Variants in RARS2 observed in about 807,000 individuals in gnomAD.
RARS2 encodes the protein arginyl-tRNA synthetase 2, mitochondrial, also known as probable arginine--tRNA ligase, mitochondrial.
RARS2 carries 67 observed loss-of-function variants against 88.5 expected under a neutral mutation model. The observed-to-expected ratio is 0.76, with a 90% CI of 0.62 to 0.93. The LOEUF (loss-of-function observed/expected upper bound fraction) is 0.93. Ranked by LOEUF, RARS2 falls within the 40% of genes least tolerant of loss-of-function variation. RARS2 has a pLI of 0.00. For missense variants in RARS2, 664 were observed against 684.2 expected (o/e 0.97, Z 0.33); for synonymous variants, 239 against 230.3 (o/e 1.04, Z -0.34).
chr6:87,563,993 G>A (rs1433647561), intron 3 of RARS2, 137 bp downstream of exon 3: 2 of 717,652 alleles, frequency 2.8e-6, no homozygotes, highest in African/African-American at 3.6e-5. Flanking sequence ...TGGCTAAAAT[G>A]AATTTAAATT....
intron 8 of RARS2, among the ~76,000 whole-genome samples, chr6:87,539,131 A>T (rs1780119269): frequency 6.6e-6 from 1 of 152,218 alleles, no homozygotes; most frequent in African/African-American, 2.4e-5. Context: ...AAGATTAAAT[A>T]AAAACTTTTG....
At chr6:87,555,776 C>T (rs1364505151) in intron 4 of RARS2, among the ~76,000 whole-genome samples, 1 of 152,122 alleles carries the variant, frequency 6.6e-6, no homozygotes, top group Admixed American at 6.6e-5. Flanking sequence ...AGGTATTTTA[C>T]AGAGAAGGAA....
chr6:87,573,892 T>C (rs955569548), intron 1 of RARS2, among the ~76,000 whole-genome samples: 4 of 152,144 alleles, frequency 2.6e-5, no homozygotes, highest in Non-Finnish European at 5.9e-5. Context: ...TCAAAGTTGA[T>C]AGTCAAGTAA....
At chr6:87,527,294 T>A (rs1776069615) in intron 10 of RARS2, among the ~76,000 whole-genome samples, 1 of 152,066 alleles carries the variant, frequency 6.6e-6, no homozygotes, top group African/African-American at 2.4e-5. Flanking sequence ...GGTGATACAG[T>A]GAGACCCCGT....
chr6:87,558,785 CTGATT>C (rs1428825097), intron 4 of RARS2, among the ~76,000 whole-genome samples: 3 of 152,166 alleles, frequency 2.0e-5, no homozygotes, highest in Admixed American at 6.5e-5. Flanking sequence ...AAGGACTGTA[CTGATT>C]TATGTATTTA....
intron 1 of RARS2, among the ~76,000 whole-genome samples, chr6:87,589,479 C>A (rs916794310): frequency 6.6e-6 from 1 of 152,142 alleles, no homozygotes; most frequent in African/African-American, 2.4e-5. Flanking sequence ...TTGGGCGTTA[C>A]CAAAAACAAT....
At chr6:87,529,439 A>G in intron 10 of RARS2, 103 bp downstream of exon 10, 1 of 814,672 alleles carries the variant, frequency 1.2e-6, no homozygotes, top group Non-Finnish European at 2.1e-6. Context: ...AAAAAATCCC[A>G]AGAAAGCTGC....
chr6:87,518,156 G>T lies in RARS2; in HGVS notation c.1511+13C>A, dbSNP rs754449606. The T allele has an allele frequency of 6.2e-7, 1 of 1,614,082 alleles. No individual in the cohort carries two copies. The highest frequency in any genetic ancestry group is 1.1e-5 in the South Asian group (1 of 91,080). ...GCAGAAGCACACTTGATGATCCCTG[G>T]AAAACATCATACCTGAGAAGATGCT... On this transcript the variant is annotated intron_variant, in intron 17 of 19. Transcript: ENST00000369536.
chr6:87,515,044 C>T (rs202115632), intron 18 of RARS2, 24 bp from the exon 19 acceptor site: 25 of 1,575,292 alleles, frequency 1.6e-5, no homozygotes, highest in Admixed American at 8.3e-5. Context: ...AGAGAAATCA[C>T]GATAGTACCA....
rs773925862 is a variant in RARS2, at chr6:87,555,518, G to A, written c.298-13C>T. ...GTTGTAGCACTGTCTGAAAATTAAA[G>A]GACTGTAATTTAATGAACAAAAATT... On this transcript the variant is annotated splice_polypyrimidine_tract_variant and intron_variant, in intron 4 of 19. Coordinates refer to ENST00000369536, the MANE Select transcript of RARS2 (RefSeq NM_020320.5). 2 of 1,584,348 alleles carry A rather than the reference G, an allele frequency of 1.3e-6. No homozygotes were observed.
At chr6:87,576,957 T>C (rs907870288) in intron 1 of RARS2, among the ~76,000 whole-genome samples, 10 of 152,226 alleles carry the variant, frequency 6.6e-5, no homozygotes, top group African/African-American at 1.9e-4. Flanking sequence ...TTAACGGTGA[T>C]ATTATATAGG....
chr6:87,529,770 C>G, intron 9 of RARS2, 122 bp from the exon 10 acceptor site: 1 of 724,290 alleles, frequency 1.4e-6, no homozygotes, highest in Non-Finnish European at 2.5e-6. Flanking sequence ...AAAATTAAAT[C>G]AAGGGCTGAG....
At chr6:87,584,733 T>C (rs1216720244) in intron 1 of RARS2, 1 of 461,268 alleles carries the variant, frequency 2.2e-6, no homozygotes, top group Non-Finnish European at 4.4e-6. Flanking sequence ...AAACATTTAA[T>C]ATGGATTTAT....
chr6:87,514,354 G>C lies in RARS2; in HGVS notation c.*59C>G, dbSNP rs956015845. On this transcript the variant is annotated 3_prime_UTR_variant, in exon 20 of 20. Transcript: ENST00000369536. The stretch of plus-strand genomic sequence containing the variant: ...ATTTAAATTTATTCTGAACAGCAAG[G>C]CATCTCAGAATAGATAACTAGAATT... 4.2e-5 allele frequency: 48 copies of C among 1,150,500 alleles called. No homozygotes were observed. The highest frequency in any genetic ancestry group is 4.2e-4 in the Middle Eastern group (2 of 4,802). The allele number at this position is 1,150,500 out of a possible 1,614,324, so 71.3% of individuals were successfully genotyped here.
chr6:87,575,244 C>CAA, intron 1 of RARS2, among the ~76,000 whole-genome samples: 1 of 143,660 alleles, frequency 7.0e-6, no homozygotes, highest in South Asian at 2.1e-4. Context: ...CACACACACA[C>CAA]ACACACACAC....
At chr6:87,542,163 C>T (rs1303686086) in intron 7 of RARS2, among the ~76,000 whole-genome samples, 169 bp from the exon 8 acceptor site, 1 of 152,172 alleles carries the variant, frequency 6.6e-6, no homozygotes, top group East Asian at 1.9e-4. Flanking sequence ...TGACACAAGT[C>T]AAATTCAATA....
In RARS2 at chr6:87,519,581, A is replaced by G; in HGVS notation, c.1237+2T>C. 1 of 1,611,470 alleles carries G rather than the reference A, an allele frequency of 6.2e-7. No homozygotes were observed. Among genetic ancestry groups the G allele is most frequent in the Non-Finnish European group, 8.5e-7 (1 of 1,177,630 alleles). ...ACTTTAATAAGAAAAAACTGAATTC[A>G]CTCTTAATTGAAGCCATGTTCTGTA... On this transcript the variant is annotated splice_donor_variant, in intron 14 of 19. Transcript: ENST00000369536. LOFTEE classifies it high-confidence loss of function.
intron 8 of RARS2, among the ~76,000 whole-genome samples, chr6:87,536,800 G>A (rs1309677306): frequency 6.6e-6 from 1 of 152,008 alleles, no homozygotes; most frequent in Non-Finnish European, 1.5e-5. Context: ...ATTCACAAGG[G>A]AAGAGGAACT....
intron 10 of RARS2, among the ~76,000 whole-genome samples, chr6:87,525,563 T>G (rs1157530788): frequency 6.6e-6 from 1 of 151,580 alleles, no homozygotes; most frequent in Non-Finnish European, 1.5e-5. Context: ...TTTTTTTTTT[T>G]GAGACGGAGT....
Sources: gnomAD v4.1 joint callset for allele counts (sites outside exome capture counted in the v4.1 genomes callset) on GRCh38, gnomAD v4.1.1 for gene constraint, MANE v1.5 for transcripts, NCBI Gene and HGNC (gene_info 2026-07-23, HGNC 2026-07-21) for gene names.